Variants in SPTBN1 observed in about 807,000 individuals in gnomAD.
The protein encoded by SPTBN1 is spectrin beta chain, non-erythrocytic 1.
Under a neutral mutation model 266.4 loss-of-function variants are expected in SPTBN1, and 32 were observed. That is an observed-to-expected ratio of 0.12 (90% CI 0.09 to 0.16). The LOEUF (loss-of-function observed/expected upper bound fraction) is 0.16, where lower values mean the gene tolerates loss of function less well. SPTBN1 is among the 10% of genes least tolerant of loss of function. SPTBN1 has a pLI of 1.00. For synonymous variants in SPTBN1, 1,336 were observed against 1,162.2 expected, an observed-to-expected ratio of 1.15 and a Z score of -3.04; for missense variants, 2,296 against 3,067.1, an observed-to-expected ratio of 0.75 and a Z score of 5.94.
chr2:54,535,696 C>T (rs955923884), intron 2 of SPTBN1, among the ~76,000 whole-genome samples: 9 of 152,144 alleles, frequency 5.9e-5, no homozygotes. Flanking sequence ...TGGTGGTTGC[C>T]TGGAAACAGA....
intron 2 of SPTBN1, among the ~76,000 whole-genome samples, chr2:54,597,779 G>A (rs1426737433): frequency 2.6e-5 from 4 of 151,922 alleles, no homozygotes. Context: ...AGGCGACTGG[G>A]CACATGCCTT....
intron 2 of SPTBN1, among the ~76,000 whole-genome samples, chr2:54,574,041 T>TC: frequency 1.3e-5 from 2 of 152,204 alleles, no homozygotes; most frequent in South Asian, 4.2e-4. Flanking sequence ...GAAATTTTTG[T>TC]GGGGGGACAC....
In SPTBN1 at chr2:54,644,606, T is replaced by C; in HGVS notation, c.4269+20T>C. On this transcript the variant is annotated intron_variant, in intron 20 of 35. Transcript: ENST00000356805. ...CAACAGGCAAGTGGACAAGCCATCA[T>C]GGACTTGGGTGTATTTCTGTTTTAC... 6.3e-7 allele frequency: 1 copy of C among 1,587,756 alleles called. No homozygotes were observed.
At chr2:54,602,093 A>AG (rs1239405806) in intron 3 of SPTBN1, among the ~76,000 whole-genome samples, 1 of 152,198 alleles carries the variant, frequency 6.6e-6, no homozygotes, top group East Asian at 1.9e-4. Context: ...GAGCTGGGCC[A>AG]GGAAGCTTCT....
At chr2:54,563,987 A>G (rs1000185508) in intron 2 of SPTBN1, among the ~76,000 whole-genome samples, 4 of 152,114 alleles carry the variant, frequency 2.6e-5, no homozygotes, top group Non-Finnish European at 2.9e-5. Context: ...TCTGACTCCA[A>G]ATTTGATGCT....
intron 1 of SPTBN1, among the ~76,000 whole-genome samples, chr2:54,483,095 C>T (rs1162124978): frequency 1.3e-5 from 2 of 152,180 alleles, no homozygotes; most frequent in Admixed American, 6.5e-5. Context: ...GAGGAATGCC[C>T]TGGAAGGGAA....
At chr2:54,590,410 C>A (rs1675597341) in intron 2 of SPTBN1, among the ~76,000 whole-genome samples, 1 of 152,186 alleles carries the variant, frequency 6.6e-6, no homozygotes, top group South Asian at 2.1e-4. Flanking sequence ...TTTGCTGACT[C>A]ATTGAACAAA....
At chr2:54,485,119 A>G (rs2103963090) in intron 1 of SPTBN1, among the ~76,000 whole-genome samples, 1 of 152,240 alleles carries the variant, frequency 6.6e-6, no homozygotes, top group Admixed American at 6.5e-5. Flanking sequence ...AAGGAACCAG[A>G]AAAAATAAAA....
chr2:54,549,637 C>G (rs1349805954), intron 2 of SPTBN1, among the ~76,000 whole-genome samples: 1 of 152,314 alleles, frequency 6.6e-6, no homozygotes, highest in African/African-American at 2.4e-5. Context: ...AAGCAATGCT[C>G]TCATAGAGTG....
chr2:54,522,697 GAGAAAGAA>G (rs1466233306), intron 1 of SPTBN1, among the ~76,000 whole-genome samples: 8 of 97,270 alleles, frequency 8.2e-5, no homozygotes, highest in Admixed American at 3.4e-4. Flanking sequence ...GAGAGAGAGA[GAGAAAGAA>G]AGAAAGGAAA....
In SPTBN1 at chr2:54,558,952, T is replaced by G. The variant is rs1573410736; in HGVS notation, c.148+32386T>G. On this transcript the variant is annotated intron_variant, in intron 2 of 35. Transcript: ENST00000356805. This position sits in a 1 kb window ranked among gnomAD's most constrained non-coding sequence, Gnocchi z 4.6. ...AACGGGGGTTCTTGGAGGCTTTATT[T>G]GTGACCCTAATGAAGACGGGCGGCT... The G allele has an allele frequency of 1.3e-6, 2 of 1,562,438 alleles. No homozygotes were observed. Among genetic ancestry groups the G allele is most frequent in the East Asian group, 4.6e-5 (2 of 43,296 alleles).
chr2:54,478,241 T>G (rs184607547), intron 1 of SPTBN1, among the ~76,000 whole-genome samples: 159 of 152,180 alleles, frequency 1.0e-3, no homozygotes, highest in African/African-American at 3.6e-3. Context: ...CACTCTCTTA[T>G]GAGAACGCTC....
chr2:54,556,533 T>G (rs925051075), intron 2 of SPTBN1, among the ~76,000 whole-genome samples: 3 of 152,240 alleles, frequency 2.0e-5, no homozygotes, highest in African/African-American at 7.2e-5. Flanking sequence ...CAAAGCACTT[T>G]GTAATCTCAT....
At chr2:54,538,829 T>C (rs1671766996) in intron 2 of SPTBN1, among the ~76,000 whole-genome samples, 3 of 152,348 alleles carry the variant, frequency 2.0e-5, no homozygotes, top group Middle Eastern at 6.8e-3. Context: ...ATTGTGTCTT[T>C]AGGCATCCTA....
chr2:54,575,514 A>G (rs779926408), intron 2 of SPTBN1, among the ~76,000 whole-genome samples: 1 of 152,258 alleles, frequency 6.6e-6, no homozygotes, highest in Admixed American at 6.5e-5. Context: ...ACTTGTGGAT[A>G]CGGTATTTGG....
intron 2 of SPTBN1, among the ~76,000 whole-genome samples, chr2:54,572,497 G>A (rs1298038889): frequency 6.6e-6 from 1 of 152,132 alleles, no homozygotes; most frequent in Non-Finnish European, 1.5e-5. Context: ...ATCACACTCT[G>A]AGCAAATAGA....
chr2:54,619,541 C>T (rs1440441842), intron 7 of SPTBN1, among the ~76,000 whole-genome samples: 1 of 152,170 alleles, frequency 6.6e-6, no homozygotes, highest in Non-Finnish European at 1.5e-5. Flanking sequence ...AAAATGGCAG[C>T]TGATTTCACT....
chr2:54,667,548 G>C, intron 34 of SPTBN1, 56 bp from the exon 35 acceptor site: 3 of 1,546,654 alleles, frequency 1.9e-6, no homozygotes, highest in Non-Finnish European at 2.7e-6. Flanking sequence ...GGGAGTTGGG[G>C]GATTTTTATT....
At chr2:54,561,369 A>C (rs1381702073) in intron 2 of SPTBN1, among the ~76,000 whole-genome samples, 3 of 152,216 alleles carry the variant, frequency 2.0e-5, no homozygotes, top group Non-Finnish European at 4.4e-5. Context: ...CCTGGCCTCA[A>C]ATGATCCTCC....
Sources: gnomAD v4.1 joint callset for allele counts (sites outside exome capture counted in the v4.1 genomes callset) on GRCh38, gnomAD v4.1.1 for gene constraint, Gnocchi (gnomAD v3.1) non-coding constraint, MANE v1.5 for transcripts, NCBI Gene and HGNC (gene_info 2026-07-23, HGNC 2026-07-21) for gene names.